GALNT18: variants seen among roughly 807,000 people sequenced by gnomAD.
The protein encoded by GALNT18 is GalNAc-transferase 18.
GALNT18 carries 44 observed loss-of-function variants against 69.5 expected under a neutral mutation model. The ratio of observed to expected loss-of-function variants is 0.63; its 90% confidence interval spans 0.50 to 0.81. The LOEUF (loss-of-function observed/expected upper bound fraction) is 0.81. Among genes scored for constraint, GALNT18 ranks in the 40% least tolerant of loss-of-function variants. The probability of loss-of-function intolerance (pLI) is 0.00; values close to 1 mark genes in which losing one functional copy is unlikely to be tolerated. For missense variants in GALNT18, 715 were observed against 810.0 expected (o/e 0.88, Z 1.42); for synonymous variants, 364 against 318.2 (o/e 1.14, Z -1.53).
intron 9 of GALNT18, among the ~76,000 whole-genome samples, chr11:11,299,398 G>A (rs1169951802): frequency 2.0e-5 from 3 of 152,078 alleles, no homozygotes; most frequent in African/African-American, 7.2e-5. Context: ...TGCTCGCCTC[G>A]GCCTCTGAAA....
chr11:11,311,020 C>G (rs1358401659), intron 9 of GALNT18, among the ~76,000 whole-genome samples: 1 of 152,136 alleles, frequency 6.6e-6, no homozygotes, highest in Admixed American at 6.5e-5. Context: ...GATTCTCAGC[C>G]AGGAGTGGTA....
intron 10 of GALNT18, among the ~76,000 whole-genome samples, chr11:11,281,277 T>C (rs1444190286): frequency 6.6e-6 from 1 of 152,212 alleles, no homozygotes; most frequent in Non-Finnish European, 1.5e-5. Context: ...GGCAAGCCTC[T>C]CCCCACTTCT....
rs1589953515 is a variant in GALNT18 at position 11,379,179 on chromosome 11, C to T, written c.681G>A (p.Lys227=). 3.7e-6 allele frequency: 6 copies of T among 1,612,634 alleles called. No homozygotes were observed. The South Asian group carries it at 5.5e-5, about 15-fold the overall frequency. ...CCCTGGAGCGGATGAGGCCTTCCTG[C>T]TTGCTGTGACGCACGACTTTGATGA... ...PGFIKVVRHS[K]QEGLIRSRVS... The change falls in exon 4 of 11, where the codon AAG becomes AAA. Residue 227 remains lysine (K), a synonymous_variant. Transcript: ENST00000227756.
At chr11:11,375,550 G>A (rs1019705463) in intron 5 of GALNT18, among the ~76,000 whole-genome samples, 3 of 152,194 alleles carry the variant, frequency 2.0e-5, no homozygotes, top group Non-Finnish European at 4.4e-5. Flanking sequence ...GCTCAACAGT[G>A]GACAATAAGA....
intron 1 of GALNT18, among the ~76,000 whole-genome samples, chr11:11,499,827 G>A (rs1238810102): frequency 2.0e-5 from 3 of 152,144 alleles, no homozygotes; most frequent in Non-Finnish European, 2.9e-5. Flanking sequence ...GGGTTGGGGT[G>A]GCTCACAGGT....
At chr11:11,376,858 T>A (rs1398096399) in intron 5 of GALNT18, among the ~76,000 whole-genome samples, 4 of 152,218 alleles carry the variant, frequency 2.6e-5, no homozygotes, top group Non-Finnish European at 5.9e-5. Context: ...AATGATTTTG[T>A]CTGTCTTCAC....
intron 1 of GALNT18, among the ~76,000 whole-genome samples, chr11:11,554,802 A>C (rs2133974170): frequency 6.6e-6 from 1 of 152,208 alleles, no homozygotes; most frequent in Non-Finnish European, 1.5e-5. Context: ...CTACTTATGG[A>C]AAGTGTCAGG....
chr11:11,418,279 G>A (rs1205243112), intron 3 of GALNT18, among the ~76,000 whole-genome samples: 2 of 152,192 alleles, frequency 1.3e-5, no homozygotes, highest in Non-Finnish European at 2.9e-5. Context: ...TTAAGTTACT[G>A]CTGAATCTCA....
intron 2 of GALNT18, among the ~76,000 whole-genome samples, chr11:11,433,229 C>T (rs2133795686): frequency 6.6e-6 from 1 of 152,366 alleles, no homozygotes; most frequent in Admixed American, 6.5e-5. Flanking sequence ...AAGACGCCTC[C>T]TCCCAGAGAC....
chr11:11,412,794 T>C (rs1854761737), intron 3 of GALNT18, among the ~76,000 whole-genome samples: 1 of 152,220 alleles, frequency 6.6e-6, no homozygotes, highest in African/African-American at 2.4e-5. Context: ...TCCTTACTCC[T>C]ATCTCACCAC....
rs1016250371 is a variant in GALNT18 at position 11,469,143 on chromosome 11, G to T, written c.236-20207C>A. Among the ~76,000 whole-genome samples the T allele has an allele frequency of 1.2e-4, 18 of 152,122 alleles. No individual in the cohort carries two copies. Among genetic ancestry groups the T allele is most frequent in the Non-Finnish European group, 7.4e-5 (5 of 68,018 alleles). The stretch of plus-strand genomic sequence containing the variant: ...GCCAGCTCTGATGATATTATTTTTT[G>T]GATCCCGGTAGCCAAGAAAAGCAGT... On this transcript the variant is annotated intron_variant, in intron 1 of 10. Transcript: ENST00000227756. This position sits in a 1 kb window ranked among gnomAD's most constrained non-coding sequence, Gnocchi z 4.2.
chr11:11,312,542 T>C (rs1404949331), intron 9 of GALNT18, among the ~76,000 whole-genome samples: 1 of 152,196 alleles, frequency 6.6e-6, no homozygotes. Context: ...GGAGGGGTTG[T>C]CTTGCTGTGG....
chr11:11,621,257 C>G lies in GALNT18; in HGVS notation c.235+102G>C. ...TACCACGCATCTGCGGCCCCAGAGC[C>G]CCGCCGTGGCTGAGTTGATGCGCAC... On this transcript the variant is annotated intron_variant, in intron 1 of 10. Coordinates refer to ENST00000227756, the MANE Select transcript of GALNT18 (RefSeq NM_198516.3). The surrounding 1 kb of genome is among the most constrained non-coding windows in gnomAD (Gnocchi z 9.3). The G allele has an allele frequency of 2.1e-6, 2 of 936,922 alleles. No individual in the cohort carries two copies. Among genetic ancestry groups the G allele is most frequent in the Non-Finnish European group, 3.3e-6 (2 of 608,722 alleles). 58.0% of individuals were successfully genotyped at this position (936,922 alleles called of 1,614,324 possible).
intron 3 of GALNT18, among the ~76,000 whole-genome samples, chr11:11,407,291 T>A (rs1854610729): frequency 6.6e-6 from 1 of 152,238 alleles, no homozygotes; most frequent in Admixed American, 6.5e-5. Flanking sequence ...TGTGGCTTTC[T>A]GACAGACCAG....
intron 1 of GALNT18, among the ~76,000 whole-genome samples, chr11:11,552,595 T>C (rs1404556528): frequency 6.6e-6 from 1 of 151,778 alleles, no homozygotes; most frequent in African/African-American, 2.4e-5. Flanking sequence ...AGCCTCAGAG[T>C]TGGAATTAAG....
intron 1 of GALNT18, among the ~76,000 whole-genome samples, chr11:11,524,933 A>G (rs1857485274): frequency 6.6e-6 from 1 of 152,214 alleles, no homozygotes; most frequent in Non-Finnish European, 1.5e-5. Flanking sequence ...CTGAGAAGCA[A>G]TAGGAAAGGA....
intron 9 of GALNT18, among the ~76,000 whole-genome samples, chr11:11,302,987 C>A (rs1224255022): frequency 6.6e-6 from 1 of 152,224 alleles, no homozygotes; most frequent in African/African-American, 2.4e-5. Context: ...TCGAGTGACT[C>A]CTGGAAAACC....
intron 10 of GALNT18, among the ~76,000 whole-genome samples, chr11:11,290,111 T>C (rs899975797): frequency 6.6e-6 from 1 of 152,024 alleles, no homozygotes; most frequent in Admixed American, 6.5e-5. Context: ...GAAGCAGTAC[T>C]CTTGTCGATT....
At chr11:11,550,176 C>T (rs1162221624) in intron 1 of GALNT18, among the ~76,000 whole-genome samples, 1 of 152,242 alleles carries the variant, frequency 6.6e-6, no homozygotes, top group Non-Finnish European at 1.5e-5. Context: ...CTGCAGAAAA[C>T]AGGCACCAGT....
Sources: allele counts gnomAD v4.1 joint callset (sites outside exome capture counted in the v4.1 genomes callset), GRCh38; gene constraint gnomAD v4.1.1; non-coding constraint Gnocchi (gnomAD v3.1); transcripts MANE v1.5; gene names NCBI Gene and HGNC (gene_info 2026-07-23, HGNC 2026-07-21).